Variants in NRG2 observed in about 807,000 individuals in gnomAD.
The protein encoded by NRG2 is neuregulin 2.
Under a neutral mutation model 73.9 loss-of-function variants are expected in NRG2, and 27 were observed. That is an observed-to-expected ratio of 0.37 (90% CI 0.27 to 0.50). NRG2 has a LOEUF of 0.50. Among genes scored for constraint, NRG2 ranks in the 20% least tolerant of loss-of-function variants. NRG2 has a pLI of 0.96. For missense variants in NRG2, 1,126 were observed against 1,210.1 expected, an observed-to-expected ratio of 0.93 and a Z score of 1.03; for synonymous variants, 532 against 541.0, an observed-to-expected ratio of 0.98 and a Z score of 0.23.
chr5:139,848,341 T>G lies in NRG2; in HGVS notation c.2129A>C (p.Asp710Ala). 8.2e-7 allele frequency: 1 copy of G among 1,215,724 alleles called. No homozygotes were observed. Among genetic ancestry groups the G allele is most frequent in the Non-Finnish European group, 1.0e-6 (1 of 980,238 alleles). 75.3% of individuals were successfully genotyped at this position (1,215,724 alleles called of 1,614,324 possible). A position where few individuals can be genotyped will look rare whatever the true frequency, so the allele number is the denominator to read the frequency against. The change falls in exon 10 of 10, where the codon GAC becomes GCC. Residue 710 changes from aspartate (D) to alanine (A), a missense_variant. By Grantham distance (126) the Asp-to-Ala change is moderately radical (BLOSUM62 -2). This residue lies in a region of NRG2 where 402 missense variants were observed against 357.8 expected (regional missense o/e 1.12). Coordinates refer to ENST00000361474, the MANE Select transcript of NRG2 (RefSeq NM_004883.3). The stretch of plus-strand genomic sequence containing the variant: ...CTCCTGCGTGGTCTCGTACTCGTCG[T>G]CCTCGGGGATGCGGAAGGGGCTGGC... ...LPASPFRIPEDDEYETTQECA... is the reference protein window; with the variant it reads ...LPASPFRIPEADEYETTQECA...
At chr5:140,002,261 G>C (rs1310439060) in intron 1 of NRG2, among the ~76,000 whole-genome samples, 1 of 152,126 alleles carries the variant, frequency 6.6e-6, no homozygotes, top group Non-Finnish European at 1.5e-5. Flanking sequence ...TCCTCTTGAA[G>C]TCTCCAATTC....
chr5:139,925,283 A>C (rs961743364), intron 1 of NRG2, among the ~76,000 whole-genome samples: 5 of 152,194 alleles, frequency 3.3e-5, no homozygotes, highest in African/African-American at 1.2e-4. Flanking sequence ...TCTGCATCCC[A>C]CAAATTCCGC....
At chr5:139,978,034 G>C (rs912359868) in intron 1 of NRG2, among the ~76,000 whole-genome samples, 4 of 152,100 alleles carry the variant, frequency 2.6e-5, no homozygotes, top group African/African-American at 7.2e-5. Context: ...ATAGACATGG[G>C]CAAGGACTTC....
intron 5 of NRG2, among the ~76,000 whole-genome samples, chr5:139,857,398 T>G (rs1289027310): frequency 6.6e-6 from 1 of 152,200 alleles, no homozygotes; most frequent in Non-Finnish European, 1.5e-5. Context: ...CCATCGAGTC[T>G]GCACCTATTG....
chr5:139,963,875 T>C lies in NRG2; in HGVS notation c.701-76364A>G, dbSNP rs371173589. Among the ~76,000 whole-genome samples, 4 of 152,212 alleles carry C rather than the reference T, an allele frequency of 2.6e-5. 1 individual carries two copies. The South Asian group carries it at 8.3e-4, about 32-fold the overall frequency. ...GGTAAGAATACTCAATCACAAGAGT[T>C]GGGGTTGTTCACATCCAGTAACTTG... On this transcript the variant is annotated intron_variant, in intron 1 of 9. Transcript: ENST00000361474.
intron 1 of NRG2, among the ~76,000 whole-genome samples, chr5:139,998,603 G>A (rs1758206679): frequency 1.3e-5 from 2 of 152,178 alleles, no homozygotes; most frequent in African/African-American, 4.8e-5. Flanking sequence ...TACTAGTGAT[G>A]TGGAAAGAAG....
chr5:140,022,296 A>AATTCCAGGAAT (rs1760303523), intron 1 of NRG2, among the ~76,000 whole-genome samples: 1 of 152,012 alleles, frequency 6.6e-6, no homozygotes, highest in Admixed American at 6.6e-5. Context: ...CAATAATTCC[A>AATTCCAGGAAT]TCTCCTCCTG....
In NRG2 at chr5:139,905,407, A is replaced by G. The variant is rs1765165006; in HGVS notation, c.701-17896T>C. On this transcript the variant is annotated intron_variant, in intron 1 of 9. Coordinates refer to ENST00000361474, the MANE Select transcript of NRG2 (RefSeq NM_004883.3). ...GTGTCCCCTTACAGCCATCCCAACC[A>G]GAATCCAAGTCAAAGATCATCTCAC... Among the ~76,000 whole-genome samples, 3 of 152,360 alleles carry G rather than the reference A, an allele frequency of 2.0e-5. 1 individual carries two copies. The South Asian group carries it at 6.2e-4, about 32-fold the overall frequency.
At chr5:140,021,725 G>C (rs142953274) in intron 1 of NRG2, among the ~76,000 whole-genome samples, 10 of 152,342 alleles carry the variant, frequency 6.6e-5, no homozygotes, top group Admixed American at 3.9e-4. Flanking sequence ...GTGGCAGGGA[G>C]ACCTCTGAAG....
chr5:139,912,258 G>A (rs1750883046), intron 1 of NRG2, among the ~76,000 whole-genome samples: 2 of 145,934 alleles, frequency 1.4e-5, no homozygotes, highest in Non-Finnish European at 3.0e-5. Context: ...CCTGGTCACC[G>A]CCCAAGGAAA....
intron 1 of NRG2, among the ~76,000 whole-genome samples, chr5:140,021,845 A>T (rs1163100003): frequency 6.6e-6 from 1 of 152,214 alleles, no homozygotes; most frequent in Non-Finnish European, 1.5e-5. Flanking sequence ...CCTGAAGAAT[A>T]GCTTAGATAT....
At chr5:139,938,880 GAAGGAAAGAAAGAAAGAA>G (rs1179127958) in intron 1 of NRG2, among the ~76,000 whole-genome samples, 57 of 77,938 alleles carry the variant, frequency 7.3e-4, no homozygotes, top group African/African-American at 1.9e-3. Flanking sequence ...GAGAGAGAGA[GAAGGAAAGAAAGAAAGAA>G]AGAAAGAAAA....
intron 1 of NRG2, among the ~76,000 whole-genome samples, chr5:139,908,022 C>T (rs1765347661): frequency 6.6e-6 from 1 of 152,262 alleles, no homozygotes; most frequent in Non-Finnish European, 1.5e-5. Context: ...TCCCATTTTA[C>T]AGATGAGGAA....
intron 1 of NRG2, among the ~76,000 whole-genome samples, chr5:139,908,587 TAAGTC>T (rs1409631874): frequency 6.6e-6 from 1 of 152,232 alleles, no homozygotes; most frequent in Admixed American, 6.5e-5. Context: ...AATTTTTGTC[TAAGTC>T]AATACCTAGT....
In NRG2 at chr5:139,852,798, G is replaced by C. The variant is rs555149724; in HGVS notation, c.1416+106C>G. ...GAGGCAGTGCCTAGCAGGCAAGGCT[G>C]GCCATGGGATAGGCTGGCTGCTGCC... On this transcript the variant is annotated intron_variant, in intron 7 of 9. Transcript: ENST00000361474. The surrounding 1 kb of genome is among the most constrained non-coding windows in gnomAD (Gnocchi z 4.4). 1 of 1,554,006 alleles carries C rather than the reference G, an allele frequency of 6.4e-7. No homozygotes were observed. The highest frequency in any genetic ancestry group is 1.4e-5 in the African/African-American group (1 of 72,594).
rs1178924123 is a variant in NRG2, at chr5:139,851,843, A to G, written c.1545-12T>C. On this transcript the variant is annotated splice_polypyrimidine_tract_variant and intron_variant, in intron 8 of 9. Coordinates refer to ENST00000361474, the MANE Select transcript of NRG2 (RefSeq NM_004883.3). This position sits in a 1 kb window ranked among gnomAD's most constrained non-coding sequence, Gnocchi z 4.2. ...TGTGGCTCTCGTGTCTGGGAAGGCCAGATGGGGTGAGACGAGGGGTCAGGA... is the reference window on the plus strand; with the variant it reads ...TGTGGCTCTCGTGTCTGGGAAGGCCGGATGGGGTGAGACGAGGGGTCAGGA... 3.1e-6 allele frequency: 5 copies of G among 1,613,010 alleles called. No homozygotes were observed. The highest frequency in any genetic ancestry group is 4.2e-6 in the Non-Finnish European group (5 of 1,179,358).
intron 1 of NRG2, among the ~76,000 whole-genome samples, chr5:140,022,193 C>T (rs948148486): frequency 3.0e-4 from 46 of 152,210 alleles, no homozygotes; most frequent in Non-Finnish European, 3.4e-4. Flanking sequence ...TTTCTTTCTT[C>T]GTGATTTTAT....
chr5:139,972,926 A>G (rs1756081705), intron 1 of NRG2, among the ~76,000 whole-genome samples: 1 of 152,214 alleles, frequency 6.6e-6, no homozygotes, highest in South Asian at 2.1e-4. Flanking sequence ...GTTAACCTAA[A>G]TCATAATCAA....
intron 1 of NRG2, among the ~76,000 whole-genome samples, chr5:140,002,390 A>G (rs971686866): frequency 6.6e-6 from 1 of 152,146 alleles, no homozygotes; most frequent in African/African-American, 2.4e-5. Flanking sequence ...TGGGGTTGCA[A>G]TTTTAGATAG....
Sources: allele counts gnomAD v4.1 joint callset (sites outside exome capture counted in the v4.1 genomes callset), GRCh38; gene constraint gnomAD v4.1.1; regional missense constraint gnomAD v4.1.1; non-coding constraint Gnocchi (gnomAD v3.1); transcripts MANE v1.5; gene names NCBI Gene and HGNC (gene_info 2026-07-23, HGNC 2026-07-21).